PLEKHO2: variants seen among roughly 807,000 people sequenced by gnomAD.
The protein encoded by PLEKHO2 is pleckstrin homology domain-containing family O member 2.
PLEKHO2 carries 20 observed loss-of-function variants against 32.7 expected under a neutral mutation model. That is an observed-to-expected ratio of 0.61 (90% CI 0.43 to 0.89). The LOEUF (loss-of-function observed/expected upper bound fraction) is 0.89. Among genes scored for constraint, PLEKHO2 ranks in the 40% least tolerant of loss-of-function variants. The pLI is 0.00. For synonymous variants in PLEKHO2, 247 were observed against 246.3 expected, an observed-to-expected ratio of 1.00 and a Z score of -0.03; for missense variants, 568 against 621.2, an observed-to-expected ratio of 0.91 and a Z score of 0.91.
intron 5 of PLEKHO2, among the ~76,000 whole-genome samples, chr15:64,863,615 G>T (rs1342116713): frequency 1.3e-5 from 2 of 151,904 alleles, no homozygotes; most frequent in Admixed American, 6.6e-5. Context: ...TCCTGTGTAT[G>T]TATAAAAGGG....
chr15:64,850,523 C>T (rs2084559587), intron 2 of PLEKHO2, among the ~76,000 whole-genome samples: 1 of 152,214 alleles, frequency 6.6e-6, no homozygotes, highest in Non-Finnish European at 1.5e-5. Flanking sequence ...CTGTCAGACC[C>T]ACCTGCAGAG....
intron 3 of PLEKHO2, among the ~76,000 whole-genome samples, chr15:64,858,512 AT>A (rs1227624094): frequency 6.6e-6 from 1 of 152,154 alleles, no homozygotes; most frequent in African/African-American, 2.4e-5. Flanking sequence ...CAGTTCATTA[AT>A]TTTTTGGCTC....
chr15:64,860,350 G>T (rs1484920648), intron 4 of PLEKHO2, among the ~76,000 whole-genome samples: 1 of 152,230 alleles, frequency 6.6e-6, no homozygotes, highest in Admixed American at 6.5e-5. Context: ...AGAGTGAGCC[G>T]ACAGCTCCCT....
At chr15:64,860,078 C>T (rs911466592) in intron 4 of PLEKHO2, 80 bp downstream of exon 4, 2 of 1,281,830 alleles carry the variant, frequency 1.6e-6, no homozygotes, top group Admixed American at 1.8e-5. Context: ...CCCTGCCCCT[C>T]CTTACCCCAG....
chr15:64,852,627 C>CT (rs1217070066), intron 2 of PLEKHO2, among the ~76,000 whole-genome samples: 142 of 145,044 alleles, frequency 9.8e-4, no homozygotes, highest in Middle Eastern at 3.5e-3. Context: ...AGCAGTGGTT[C>CT]TTTTTTTTTT....
chr15:64,842,108 C>G, intron 1 of PLEKHO2, 80 bp downstream of exon 1: 2 of 1,160,884 alleles, frequency 1.7e-6, no homozygotes, highest in South Asian at 8.7e-5. Context: ...CTCAGGCCCT[C>G]GTTCCTGCCC....
rs145793814 is a variant in PLEKHO2 at position 64,865,142 on chromosome 15, G to C, written c.727G>C (p.Glu243Gln). Residue 243 changes from glutamate (E) to glutamine (Q), a missense_variant, in exon 6 of 6, where the codon GAG becomes CAG. By Grantham distance (29) the Glu-to-Gln change is conservative. Coordinates refer to ENST00000323544, the MANE Select transcript of PLEKHO2 (RefSeq NM_025201.5). ...PVSASSEVSP[E>Q]SQEDSETPAE... ...CTCAGCAAGCTCTGAGGTCTCCCCT[G>C]AGAGCCAAGAGGACTCAGAGACCCC... 1 of 1,614,026 alleles carries C rather than the reference G, an allele frequency of 6.2e-7. No individual in the cohort carries two copies. The highest frequency in any genetic ancestry group is 8.5e-7 in the Non-Finnish European group (1 of 1,180,022).
chr15:64,843,152 G>T (rs959496471), intron 1 of PLEKHO2, among the ~76,000 whole-genome samples: 3 of 152,232 alleles, frequency 2.0e-5, no homozygotes, highest in African/African-American at 7.2e-5. Context: ...GGAGCAGCTA[G>T]TGGTCCGTCA....
chr15:64,855,107 T>A, intron 3 of PLEKHO2, 70 bp downstream of exon 3: 2 of 1,263,886 alleles, frequency 1.6e-6, no homozygotes, highest in African/African-American at 1.5e-5. Context: ...TAAGCAGGTT[T>A]AAGGCAGGCC....
intron 3 of PLEKHO2, 119 bp downstream of exon 3, chr15:64,855,156 T>G: frequency 1.3e-6 from 1 of 749,220 alleles, no homozygotes; most frequent in Non-Finnish European, 2.3e-6. Flanking sequence ...TGCGTGTGGC[T>G]GAGGCTCAGC....
At chr15:64,864,788 TG>T (rs35575795) in intron 5 of PLEKHO2, 110 bp from the exon 6 acceptor site, 26,583 of 1,196,822 alleles carry the variant, frequency 0.022, 391 homozygotes, top group Middle Eastern at 0.049. Flanking sequence ...GCTGGGGAGC[TG>T]GGGGCCTGGA....
At position 64,854,982 on chromosome 15, in the gene PLEKHO2, G is replaced by C; in HGVS notation, c.224G>C (p.Arg75Pro). ...LGSYEKCQDL[R>P]ALLKRKHRFI... The stretch of plus-strand genomic sequence containing the variant: ...AGCTATGAGAAGTGCCAGGACCTTC[G>C]TGCCCTCCTCAAGCGAAAACACCGC... Residue 75 changes from arginine (R) to proline (P), a missense_variant, in exon 3 of 6, where the codon CGT (arginine) becomes CCT (proline). Transcript: ENST00000323544. 3 of 1,608,982 alleles carry C rather than the reference G, an allele frequency of 1.9e-6. No individual in the cohort carries two copies. The highest frequency in any genetic ancestry group is 1.7e-6 in the Non-Finnish European group (2 of 1,177,814).
intron 1 of PLEKHO2, among the ~76,000 whole-genome samples, chr15:64,842,698 T>C (rs2140336421): frequency 6.6e-6 from 1 of 152,238 alleles, no homozygotes; most frequent in South Asian, 2.1e-4. Flanking sequence ...TAGGGTCTGA[T>C]CTTAGTCCCT....
chr15:64,865,020 C>A lies in PLEKHO2; in HGVS notation c.605C>A (p.Pro202His), dbSNP rs765308780. 22 of 1,614,044 alleles carry A rather than the reference C, an allele frequency of 1.4e-5. No individual in the cohort carries two copies. The highest frequency in any genetic ancestry group is 1.7e-5 in the Non-Finnish European group (20 of 1,180,026). ...SEAQPRETPR[P>H]LMPPTKPFLA... Reference sequence around the variant, plus strand: ...GCCCAACCTCGGGAGACACCCCGGCCCCTCATGCCTCCTACCAAGCCTTTC... The same window carrying A: ...GCCCAACCTCGGGAGACACCCCGGCACCTCATGCCTCCTACCAAGCCTTTC... Residue 202 changes from proline to histidine, a missense_variant, in exon 6 of 6, where the codon CCC becomes CAC. By Grantham distance (77) the Pro-to-His change is moderately conservative. Transcript: ENST00000323544.
intron 5 of PLEKHO2, among the ~76,000 whole-genome samples, chr15:64,863,572 T>C (rs900860894): frequency 6.6e-6 from 1 of 151,044 alleles, no homozygotes; most frequent in African/African-American, 2.4e-5. Flanking sequence ...GGGGTGACTT[T>C]CTGGTGGTCC....
intron 1 of PLEKHO2, among the ~76,000 whole-genome samples, chr15:64,846,064 G>C (rs1465994994): frequency 1.3e-5 from 2 of 152,188 alleles, no homozygotes; most frequent in Non-Finnish European, 2.9e-5. Flanking sequence ...AGTGTGAAAT[G>C]TGGGGGTGGG....
chr15:64,859,463 C>A (rs1477935597), intron 3 of PLEKHO2, among the ~76,000 whole-genome samples: 2 of 151,956 alleles, frequency 1.3e-5, no homozygotes, highest in African/African-American at 4.8e-5. Flanking sequence ...TTGGGCCTGG[C>A]AGGGTCAGGG....
chr15:64,862,039 G>A (rs1373503574), intron 5 of PLEKHO2, among the ~76,000 whole-genome samples: 3 of 152,170 alleles, frequency 2.0e-5, no homozygotes, highest in African/African-American at 7.2e-5. Context: ...GGTTCACTTG[G>A]TGGACTTGGA....
intron 1 of PLEKHO2, among the ~76,000 whole-genome samples, chr15:64,845,734 C>T (rs1192436688): frequency 6.6e-6 from 1 of 152,234 alleles, no homozygotes; most frequent in African/African-American, 2.4e-5. Flanking sequence ...TAGGCTACAT[C>T]AGCCCAGAAG....
Sources: allele counts gnomAD v4.1 joint callset (sites outside exome capture counted in the v4.1 genomes callset), GRCh38; gene constraint gnomAD v4.1.1; transcripts MANE v1.5; gene names NCBI Gene and HGNC (gene_info 2026-07-23, HGNC 2026-07-21).